CDH9: variants seen among roughly 807,000 people sequenced by gnomAD.
CDH9 encodes cadherin 9.
Under a neutral mutation model 70.9 loss-of-function variants are expected in CDH9, and 28 were observed. The observed-to-expected ratio is 0.40, with a 90% CI of 0.29 to 0.54. The LOEUF (loss-of-function observed/expected upper bound fraction) is 0.54, where lower values mean the gene tolerates loss of function less well. Among genes scored for constraint, CDH9 ranks in the 20% least tolerant of loss-of-function variants. The pLI is 0.59. For synonymous variants in CDH9, 409 were observed against 343.1 expected, an observed-to-expected ratio of 1.19 and a Z score of -2.12; for missense variants, 874 against 984.4, an observed-to-expected ratio of 0.89 and a Z score of 1.50.
intron 2 of CDH9, among the ~76,000 whole-genome samples, chr5:26,933,190 T>G (rs1344327495): frequency 6.7e-6 from 1 of 148,460 alleles, no homozygotes; most frequent in Non-Finnish European, 1.5e-5. Context: ...TATAATTGCA[T>G]AAATGTATTA....
chr5:27,008,449 C>A (rs1187965630), intron 1 of CDH9, among the ~76,000 whole-genome samples: 1 of 151,214 alleles, frequency 6.6e-6, no homozygotes, highest in East Asian at 1.9e-4. Flanking sequence ...GACATTGCAC[C>A]ACTGCACTCC....
At chr5:26,891,698 A>ACAAT (rs556804202) in intron 7 of CDH9, among the ~76,000 whole-genome samples, 150 of 151,784 alleles carry the variant, frequency 9.9e-4, no homozygotes, top group Admixed American at 2.6e-3. Flanking sequence ...AAACAAACAA[A>ACAAT]CAAAGTGAAA....
At chr5:26,951,344 C>T (rs1468281377) in intron 2 of CDH9, among the ~76,000 whole-genome samples, 5 of 147,188 alleles carry the variant, frequency 3.4e-5, no homozygotes, top group East Asian at 2.0e-4. Context: ...CTAATCTCCT[C>T]GTAACCATGC....
intron 2 of CDH9, among the ~76,000 whole-genome samples, chr5:26,972,019 A>G (rs1394676204): frequency 6.6e-6 from 1 of 152,206 alleles, no homozygotes; most frequent in South Asian, 2.1e-4. Flanking sequence ...GGTTAATAAT[A>G]GTGAATGTCC....
chr5:26,985,343 A>G (rs1361674247), intron 2 of CDH9, among the ~76,000 whole-genome samples: 1 of 152,114 alleles, frequency 6.6e-6, no homozygotes, highest in Admixed American at 6.6e-5. Flanking sequence ...CTTAATGACA[A>G]TGTAAATCAA....
chr5:26,892,622 A>C (rs149258537), intron 7 of CDH9, among the ~76,000 whole-genome samples: 2,660 of 152,342 alleles, frequency 0.017, 37 homozygotes, highest in Middle Eastern at 0.031. Context: ...CTCCCACTGT[A>C]AATCTTAAAT....
At chr5:26,988,411 G>A (rs1742524458) in intron 1 of CDH9, 29 bp from the exon 2 acceptor site, 2 of 1,534,642 alleles carry the variant, frequency 1.3e-6, no homozygotes, top group South Asian at 1.2e-5. Flanking sequence ...AAAAATGGCT[G>A]TATTAGCTTG....
At chr5:26,893,152 A>C (rs1399528077) in intron 7 of CDH9, among the ~76,000 whole-genome samples, 1 of 152,218 alleles carries the variant, frequency 6.6e-6, no homozygotes, top group African/African-American at 2.4e-5. Flanking sequence ...AATTATGCTG[A>C]ACTTAAGGGA....
At chr5:26,994,746 T>C (rs937525377) in intron 1 of CDH9, among the ~76,000 whole-genome samples, 7 of 152,294 alleles carry the variant, frequency 4.6e-5, no homozygotes, top group African/African-American at 9.6e-5. Flanking sequence ...GGTATCTTGA[T>C]ATAGCAGCAT....
intron 2 of CDH9, among the ~76,000 whole-genome samples, chr5:26,962,216 AGTCTATCATT>A (rs1454320349): frequency 6.6e-6 from 1 of 152,054 alleles, no homozygotes. Flanking sequence ...TTCTTTATCC[AGTCTATCATT>A]GATGGGCATT....
chr5:26,897,189 CA>C (rs368493204), intron 7 of CDH9, among the ~76,000 whole-genome samples: 20 of 150,332 alleles, frequency 1.3e-4, no homozygotes, highest in African/African-American at 4.4e-4. Flanking sequence ...AACCTACCAA[CA>C]AAAAAAAAGC....
chr5:27,035,299 A>C (rs372582280), intron 1 of CDH9, among the ~76,000 whole-genome samples: 2 of 151,252 alleles, frequency 1.3e-5, no homozygotes, highest in East Asian at 3.9e-4. Flanking sequence ...AAAGTTCCAA[A>C]ATTTTATGTA....
chr5:26,968,867 C>T (rs554057364), intron 2 of CDH9, among the ~76,000 whole-genome samples: 19 of 152,216 alleles, frequency 1.2e-4, no homozygotes, highest in African/African-American at 7.2e-5. Flanking sequence ...AATTAAGATA[C>T]TAAACATGTA....
chr5:26,926,921 C>CCCCT (rs1561197697), intron 2 of CDH9, among the ~76,000 whole-genome samples: 1 of 134,996 alleles, frequency 7.4e-6, no homozygotes, highest in Non-Finnish European at 1.6e-5. Context: ...AATACAGCCC[C>CCCCT]CCCCCGCAAA....
intron 1 of CDH9, among the ~76,000 whole-genome samples, chr5:27,014,018 A>G (rs1173212162): frequency 1.3e-5 from 2 of 151,964 alleles, no homozygotes; most frequent in East Asian, 3.9e-4. Flanking sequence ...CTGAACACTA[A>G]CAACTTAACA....
Position 26,891,924 on chromosome 5 carries a change from G to T in CDH9, c.1254-1360C>A, listed in dbSNP as rs7728493. 7.5e-3 allele frequency among the ~76,000 whole-genome samples: 1,147 copies of T among 152,198 alleles called. 16 individuals carry two copies. The highest frequency in any genetic ancestry group is 0.026 in the African/African-American group (1,096 of 41,524). Reference sequence around the variant, plus strand: ...AAACAGGGGCCTTCCCCACACAACTGCAAGGACTTGAAATCTGTTCACAAC... The same window carrying T: ...AAACAGGGGCCTTCCCCACACAACTTCAAGGACTTGAAATCTGTTCACAAC... On this transcript the variant is annotated intron_variant, in intron 7 of 11. Transcript: ENST00000231021.
intron 2 of CDH9, among the ~76,000 whole-genome samples, chr5:26,982,473 C>T (rs1317123436): frequency 6.6e-6 from 1 of 151,998 alleles, no homozygotes; most frequent in African/African-American, 2.4e-5. Flanking sequence ...TTCTATTTTT[C>T]ATAATGTCAA....
intron 2 of CDH9, among the ~76,000 whole-genome samples, chr5:26,924,507 AT>A (rs932973237): frequency 6.0e-5 from 9 of 150,172 alleles, no homozygotes; most frequent in African/African-American, 2.0e-4. Context: ...ATTTAAAAAA[AT>A]AGAGGAGGAA....
chr5:26,892,267 C>A (rs1003474015), intron 7 of CDH9, among the ~76,000 whole-genome samples: 3 of 152,080 alleles, frequency 2.0e-5, no homozygotes, highest in African/African-American at 7.2e-5. Context: ...TTTAATTGAG[C>A]CATATCAGAA....
Sources: allele counts gnomAD v4.1 joint callset (sites outside exome capture counted in the v4.1 genomes callset), GRCh38; gene constraint gnomAD v4.1.1; transcripts MANE v1.5; gene names NCBI Gene and HGNC (gene_info 2026-07-23, HGNC 2026-07-21).